The following SENP7 variants were observed in gnomAD, a reference collection of about 807,000 sequenced individuals.
SENP7 encodes sentrin-specific protease 7.
SENP7 carries 64 observed loss-of-function variants against 141.2 expected under a neutral mutation model. That is an observed-to-expected ratio of 0.45 (90% CI 0.37 to 0.56). SENP7 has a LOEUF of 0.56. SENP7 is among the 20% of genes least tolerant of loss of function. The pLI, the probability that SENP7 is intolerant of heterozygous loss-of-function variation, is 0.00. For missense variants in SENP7, 1,025 were observed against 1,212.2 expected, an observed-to-expected ratio of 0.85 and a Z score of 2.29; for synonymous variants, 382 against 426.4, an observed-to-expected ratio of 0.90 and a Z score of 1.28.
At chr3:101,486,946 C>A (rs2064754579) in intron 3 of SENP7, among the ~76,000 whole-genome samples, 1 of 152,014 alleles carries the variant, frequency 6.6e-6, no homozygotes, top group Non-Finnish European at 1.5e-5. Context: ...AAATGGACAC[C>A]AAAAGCGAGC....
intron 4 of SENP7, among the ~76,000 whole-genome samples, chr3:101,442,371 C>A (rs2062710876): frequency 6.6e-6 from 1 of 152,132 alleles, no homozygotes; most frequent in Non-Finnish European, 1.5e-5. Context: ...TATCATCAGG[C>A]ATGAGATTCT....
At chr3:101,416,782 T>C (rs1316999822) in intron 5 of SENP7, among the ~76,000 whole-genome samples, 1 of 152,228 alleles carries the variant, frequency 6.6e-6, no homozygotes, top group Admixed American at 6.5e-5. Flanking sequence ...TGTTGAAAGT[T>C]AGCAGTTTTT....
intron 5 of SENP7, among the ~76,000 whole-genome samples, chr3:101,405,728 T>TA (rs2061282179): frequency 6.6e-6 from 1 of 152,000 alleles, no homozygotes; most frequent in Non-Finnish European, 1.5e-5. Context: ...ATAGCATAAA[T>TA]AAAAAACAAT....
chr3:101,448,188 G>T (rs1214584448), intron 4 of SENP7, among the ~76,000 whole-genome samples: 2 of 152,170 alleles, frequency 1.3e-5, no homozygotes, highest in African/African-American at 4.8e-5. Flanking sequence ...GGATTAGGCA[G>T]TGGTTTCTTA....
intron 23 of SENP7, among the ~76,000 whole-genome samples, chr3:101,327,336 G>A (rs1038240047): frequency 1.3e-5 from 2 of 152,028 alleles, no homozygotes; most frequent in Non-Finnish European, 2.9e-5. Flanking sequence ...CATGGGGGCG[G>A]TTTTCCCCCA....
intron 15 of SENP7, 122 bp downstream of exon 15, chr3:101,341,524 A>G: frequency 1.2e-6 from 1 of 855,784 alleles, no homozygotes; most frequent in South Asian, 4.7e-5. Flanking sequence ...ACCTATTTCC[A>G]TTACTATCAG....
rs373618195 is a variant in SENP7 at position 101,340,184 on chromosome 3, A to G, written c.2268T>C (p.Thr756=). 2.5e-6 allele frequency: 4 copies of G among 1,600,220 alleles called. No individual in the cohort carries two copies. Among genetic ancestry groups the G allele is most frequent in the African/African-American group, 2.7e-5 (2 of 74,232 alleles). The change falls in exon 16 of 24, where the codon ACT becomes ACC. Residue 756 remains threonine, a synonymous_variant. Transcript: ENST00000394095. ...CATTAGTTACTCCTAATCCCCCCTT[A>G]GTAGGTGGTGGAGGATATACAATCA... is the stretch of plus-strand genomic sequence containing the variant. The part of the protein sequence containing the change: ...QKLIVYPPPP[T]KGGLGVTNED...
chr3:101,449,382 T>C (rs2107817460), intron 4 of SENP7, among the ~76,000 whole-genome samples: 1 of 152,188 alleles, frequency 6.6e-6, no homozygotes, highest in African/African-American at 2.4e-5. Flanking sequence ...GCCACAAAGA[T>C]ACTCCTCGAG....
chr3:101,372,924 C>T (rs1046684544), intron 6 of SENP7, among the ~76,000 whole-genome samples: 1 of 151,850 alleles, frequency 6.6e-6, no homozygotes, highest in African/African-American at 2.4e-5. Context: ...ATTCTCTATA[C>T]TTATGTACAT....
At chr3:101,446,465 A>G (rs1297951562) in intron 4 of SENP7, among the ~76,000 whole-genome samples, 4 of 152,180 alleles carry the variant, frequency 2.6e-5, no homozygotes, top group Non-Finnish European at 4.4e-5. Context: ...CAGAATACAC[A>G]TTTTTTTCAC....
chr3:101,438,820 C>T (rs1163842524), intron 4 of SENP7, among the ~76,000 whole-genome samples: 4 of 143,554 alleles, frequency 2.8e-5, no homozygotes, highest in Admixed American at 7.2e-5. Context: ...CGGTCTTTGC[C>T]GCCGCGCCGG....
At chr3:101,340,383 G>GA in intron 15 of SENP7, 172 bp from the exon 16 acceptor site, 3 of 752,166 alleles carry the variant, frequency 4.0e-6, no homozygotes, top group Non-Finnish European at 6.1e-6. Context: ...ATCCTCACAA[G>GA]CTACTAATGG....
chr3:101,493,868 AC>A lies in SENP7; in HGVS notation c.186+4del. 6.5e-7 allele frequency: 1 copy of A among 1,528,560 alleles called. No homozygotes were observed. Among genetic ancestry groups the A allele is most frequent in the Non-Finnish European group, 9.0e-7 (1 of 1,110,432 alleles). The allele number at this position is 1,528,560 out of a possible 1,614,324, so 94.7% of individuals were successfully genotyped here. ...TACTTAAAATAAATTAATTTTATTTACCACCTGCAAAGGGAGAGTCCAGCGT... is the reference window on the plus strand; with the variant it reads ...TACTTAAAATAAATTAATTTTATTTACACCTGCAAAGGGAGAGTCCAGCGT... On this transcript the variant is annotated splice_donor_region_variant and intron_variant, in intron 3 of 23. Coordinates refer to ENST00000394095, the MANE Select transcript of SENP7 (RefSeq NM_020654.5).
At chr3:101,448,943 G>A (rs932683246) in intron 4 of SENP7, among the ~76,000 whole-genome samples, 1 of 152,006 alleles carries the variant, frequency 6.6e-6, no homozygotes, top group Non-Finnish European at 1.5e-5. Flanking sequence ...AAAGGAGGAA[G>A]TTCGAACCCA....
chr3:101,430,789 T>C (rs1391034182), intron 4 of SENP7, among the ~76,000 whole-genome samples: 1 of 152,230 alleles, frequency 6.6e-6, no homozygotes, highest in African/African-American at 2.4e-5. Context: ...GTGTCGATTT[T>C]AGATCTTTCC....
intron 6 of SENP7, among the ~76,000 whole-genome samples, chr3:101,376,636 G>C (rs952764414): frequency 1.3e-5 from 2 of 152,122 alleles, no homozygotes; most frequent in South Asian, 2.1e-4. Context: ...GACTGTTGTG[G>C]GGTGGGGGGA....
intron 15 of SENP7, 196 bp from the exon 16 acceptor site, chr3:101,340,407 T>A: frequency 1.6e-6 from 1 of 611,148 alleles, no homozygotes. Flanking sequence ...TCCGATTGAG[T>A]ATTATCTTTT....
At chr3:101,401,348 G>A (rs1196182292) in intron 5 of SENP7, among the ~76,000 whole-genome samples, 1 of 151,714 alleles carries the variant, frequency 6.6e-6, no homozygotes, top group African/African-American at 2.4e-5. Flanking sequence ...TGCCAACATG[G>A]TGAAACCCCG....
At chr3:101,389,461 C>A (rs965773869) in intron 6 of SENP7, among the ~76,000 whole-genome samples, 3 of 151,838 alleles carry the variant, frequency 2.0e-5, no homozygotes, top group East Asian at 1.9e-4. Flanking sequence ...GATTTCTCCA[C>A]AGAAAACATG....
Sources: gnomAD v4.1 joint callset for allele counts (sites outside exome capture counted in the v4.1 genomes callset) on GRCh38, gnomAD v4.1.1 for gene constraint, MANE v1.5 for transcripts, NCBI Gene and HGNC (gene_info 2026-07-23, HGNC 2026-07-21) for gene names.